VAV3: variants seen among roughly 807,000 people sequenced by gnomAD.
VAV3 encodes the protein vav guanine nucleotide exchange factor 3, also known as guanine nucleotide exchange factor VAV3.
Under a neutral mutation model 131.2 loss-of-function variants are expected in VAV3, and 94 were observed. The ratio of observed to expected loss-of-function variants is 0.72; its 90% confidence interval spans 0.61 to 0.85. The LOEUF (loss-of-function observed/expected upper bound fraction) is 0.85, where lower values mean the gene tolerates loss of function less well. VAV3 is among the 40% of genes least tolerant of loss of function. VAV3 has a pLI of 0.00. For synonymous variants in VAV3, 349 were observed against 342.0 expected (o/e 1.02, Z -0.22); for missense variants, 939 against 1,002.7 (o/e 0.94, Z 0.86).
chr1:107,866,781 T>C (rs142458602), intron 2 of VAV3, among the ~76,000 whole-genome samples: 2,238 of 127,950 alleles, frequency 0.017, 41 homozygotes, highest in African/African-American at 0.052. Flanking sequence ...CGAGATTGTG[T>C]CACTGTACTC....
At chr1:107,700,291 T>A (rs1039952030) in intron 17 of VAV3, among the ~76,000 whole-genome samples, 2 of 152,224 alleles carry the variant, frequency 1.3e-5, no homozygotes, top group African/African-American at 2.4e-5. Flanking sequence ...TAAAGTTTTA[T>A]TTTATTTATT....
In VAV3 at chr1:107,704,592, A is replaced by T; in HGVS notation, c.1663T>A (p.Cys555Ser). 6.2e-7 allele frequency: 1 copy of T among 1,613,990 alleles called. No homozygotes were observed. Among genetic ancestry groups the T allele is most frequent in the Non-Finnish European group, 8.5e-7 (1 of 1,179,930 alleles). The change falls in exon 17 of 27, where the codon TGT (cysteine) becomes AGT (serine). Residue 555 changes from cysteine to serine, a missense_variant. Cys to Ser is a moderately radical substitution (Grantham distance 112). Coordinates refer to ENST00000370056, the MANE Select transcript of VAV3 (RefSeq NM_006113.5). ...FKCGARAHKE[C>S]LGRVDNCGRV... Reference sequence around the variant, plus strand: ...CCACAATTGTCTACTCTTCCCAAACATTCTTTGTGTGCTCTCGCTCCACAC... The same window carrying T: ...CCACAATTGTCTACTCTTCCCAAACTTTCTTTGTGTGCTCTCGCTCCACAC...
At chr1:107,684,561 G>T (rs919079380) in intron 18 of VAV3, among the ~76,000 whole-genome samples, 2 of 152,196 alleles carry the variant, frequency 1.3e-5, no homozygotes, top group African/African-American at 4.8e-5. Flanking sequence ...ATATCCAGCA[G>T]ACTTGCAGGG....
chr1:107,861,966 C>T (rs1012584688), intron 2 of VAV3, among the ~76,000 whole-genome samples: 10 of 151,622 alleles, frequency 6.6e-5, no homozygotes, highest in Admixed American at 6.6e-4. Context: ...ATTTTTCTAA[C>T]CTAATGATTT....
At chr1:107,738,893 G>T (rs141353010) in intron 15 of VAV3, among the ~76,000 whole-genome samples, 2 of 152,158 alleles carry the variant, frequency 1.3e-5, no homozygotes, top group East Asian at 3.9e-4. Flanking sequence ...CAGACAAGCC[G>T]GAGACAGTAG....
intron 15 of VAV3, among the ~76,000 whole-genome samples, chr1:107,747,786 A>C (rs991981907): frequency 6.6e-6 from 1 of 152,200 alleles, no homozygotes; most frequent in Non-Finnish European, 1.5e-5. Context: ...ATGAACCCAG[A>C]ATTGACTATA....
At chr1:107,705,478 G>C (rs2101851171) in intron 15 of VAV3, among the ~76,000 whole-genome samples, 1 of 152,074 alleles carries the variant, frequency 6.6e-6, no homozygotes, top group Admixed American at 6.5e-5. Flanking sequence ...TCTCTAAATA[G>C]ATGTGTGGAC....
intron 20 of VAV3, among the ~76,000 whole-genome samples, chr1:107,618,670 G>A (rs1263326429): frequency 5.3e-5 from 8 of 152,126 alleles, no homozygotes; most frequent in East Asian, 1.9e-4. Context: ...CATTACAGAT[G>A]AGGAAAATGA....
At chr1:107,611,163 T>C (rs1490921651) in intron 21 of VAV3, among the ~76,000 whole-genome samples, 2 of 152,216 alleles carry the variant, frequency 1.3e-5, no homozygotes, top group Non-Finnish European at 2.9e-5. Context: ...TGTGCTCCAA[T>C]GAGCATTTCC....
chr1:107,828,822 T>C (rs994651611), intron 2 of VAV3, among the ~76,000 whole-genome samples: 1 of 152,150 alleles, frequency 6.6e-6, no homozygotes, highest in Non-Finnish European at 1.5e-5. Flanking sequence ...AGGTAACATA[T>C]TCATCAGTTT....
chr1:107,617,693 G>A lies in VAV3; in HGVS notation c.1915-61C>T. On this transcript the variant is annotated intron_variant, in intron 20 of 26. Transcript: ENST00000370056. ...AATTTACCACAAATGATAACCCCATGATGCCCCATACATAGCACTGTTACT... is the reference window on the plus strand; with the variant it reads ...AATTTACCACAAATGATAACCCCATAATGCCCCATACATAGCACTGTTACT... 7.5e-6 allele frequency: 11 copies of A among 1,462,506 alleles called. No homozygotes were observed. In the South Asian group the frequency reaches 1.0e-4, roughly 14 times the overall value. The allele number at this position is 1,462,506 out of a possible 1,614,324, so 90.6% of individuals were successfully genotyped here. A position where few individuals can be genotyped will look rare whatever the true frequency, so the allele number is the denominator to read the frequency against.
chr1:107,867,174 T>C (rs1571066541), intron 2 of VAV3, among the ~76,000 whole-genome samples: 2 of 152,320 alleles, frequency 1.3e-5, no homozygotes, highest in South Asian at 4.1e-4. Flanking sequence ...CCTATTAACA[T>C]TTCTTAGGAC....
At chr1:107,807,201 C>T (rs773434305) in intron 2 of VAV3, among the ~76,000 whole-genome samples, 181 of 152,228 alleles carry the variant, frequency 1.2e-3, no homozygotes, top group Non-Finnish European at 1.9e-3. Context: ...AAAGGTCATT[C>T]CACTGCAAAT....
intron 17 of VAV3, among the ~76,000 whole-genome samples, chr1:107,700,422 T>A (rs977407853): frequency 1.4e-4 from 22 of 152,216 alleles, no homozygotes; most frequent in African/African-American, 5.3e-4. Flanking sequence ...AAGTGCAGCA[T>A]GCATTAGCTA....
intron 20 of VAV3, among the ~76,000 whole-genome samples, chr1:107,628,390 C>A (rs920811811): frequency 1.3e-5 from 2 of 152,130 alleles, no homozygotes; most frequent in African/African-American, 4.8e-5. Flanking sequence ...ACATTCATCA[C>A]CATTGTGTCT....
rs777214997 is a variant in VAV3, at chr1:107,617,552, G to A, written c.1980+15C>T. On this transcript the variant is annotated intron_variant, in intron 21 of 26. Transcript: ENST00000370056. ...ACAAAATGAAGCAAGAGAAAATTAA[G>A]ATACTAATACTTACACATGGGCAAG... 1.3e-5 allele frequency: 21 copies of A among 1,588,124 alleles called. No homozygotes were observed. In the South Asian group the frequency reaches 2.0e-4, roughly 15 times the overall value.
intron 19 of VAV3, among the ~76,000 whole-genome samples, chr1:107,664,503 C>T (rs1004766623): frequency 2.6e-5 from 4 of 152,132 alleles, no homozygotes; most frequent in African/African-American, 4.8e-5. Context: ...CAGCATAGGT[C>T]GGCTTTTCAA....
At chr1:107,652,550 A>C (rs947097913) in intron 19 of VAV3, among the ~76,000 whole-genome samples, 1 of 152,164 alleles carries the variant, frequency 6.6e-6, no homozygotes, top group African/African-American at 2.4e-5. Flanking sequence ...GGTCCAGCCA[A>C]GGCAGTCTAC....
chr1:107,786,904 T>C (rs1312782094), intron 2 of VAV3, among the ~76,000 whole-genome samples: 1 of 152,212 alleles, frequency 6.6e-6, no homozygotes, highest in Non-Finnish European at 1.5e-5. Flanking sequence ...TCAGTGGTTA[T>C]TATTTTGTTA....
Sources: allele counts gnomAD v4.1 joint callset (sites outside exome capture counted in the v4.1 genomes callset), GRCh38; gene constraint gnomAD v4.1.1; transcripts MANE v1.5; gene names NCBI Gene and HGNC (gene_info 2026-07-23, HGNC 2026-07-21).